The following ROBO2 variants were observed in gnomAD, a reference collection of about 807,000 sequenced individuals.
ROBO2 encodes the protein roundabout homolog 2.
In ROBO2, 53 loss-of-function variants were observed where a neutral mutation model predicts 160.8. That is an observed-to-expected ratio of 0.33 (90% CI 0.26 to 0.41). ROBO2 has a LOEUF of 0.41. Among genes scored for constraint, ROBO2 ranks in the 10% least tolerant of loss-of-function variants. ROBO2 has a pLI of 1.00. For synonymous variants in ROBO2, 664 were observed against 611.7 expected, an observed-to-expected ratio of 1.09 and a Z score of -1.26; for missense variants, 1,577 against 1,722.4, an observed-to-expected ratio of 0.92 and a Z score of 1.49.
chr3:77,598,446 TA>T, intron 19 of ROBO2, among the ~76,000 whole-genome samples: 1 of 146,296 alleles, frequency 6.8e-6, no homozygotes, highest in Admixed American at 6.9e-5. Flanking sequence ...TATATATATA[TA>T]TTTATTTATA....
At chr3:76,138,647 A>G (rs1237538781) in intron 2 of ROBO2, among the ~76,000 whole-genome samples, 1 of 152,034 alleles carries the variant, frequency 6.6e-6, no homozygotes. Flanking sequence ...GGACAATGAG[A>G]CATTTTATGA....
chr3:76,661,945 G>A (rs973386845), intron 2 of ROBO2, among the ~76,000 whole-genome samples: 1 of 152,192 alleles, frequency 6.6e-6, no homozygotes, highest in Non-Finnish European at 1.5e-5. Flanking sequence ...TTCAGGGCCT[G>A]TTATCTGTCA....
chr3:76,778,718 A>G (rs1453975815), intron 2 of ROBO2, among the ~76,000 whole-genome samples: 2 of 151,134 alleles, frequency 1.3e-5, no homozygotes, highest in African/African-American at 4.8e-5. Context: ...TCTGATATGC[A>G]GATTTCAGTT....
chr3:77,369,084 A>G (rs542330135), intron 2 of ROBO2, among the ~76,000 whole-genome samples: 22 of 152,170 alleles, frequency 1.4e-4, no homozygotes, highest in Admixed American at 3.9e-4. Context: ...CTGTTCATTC[A>G]AGAAAAGCCA....
At chr3:76,002,074 T>A (rs556351947) in intron 2 of ROBO2, among the ~76,000 whole-genome samples, 1 of 152,264 alleles carries the variant, frequency 6.6e-6, no homozygotes, top group Non-Finnish European at 1.5e-5. Context: ...AACAGTGTTA[T>A]GGGTTGAATT....
At chr3:77,385,881 A>G (rs2074050106) in intron 2 of ROBO2, among the ~76,000 whole-genome samples, 1 of 152,312 alleles carries the variant, frequency 6.6e-6, no homozygotes, top group South Asian at 2.1e-4. Flanking sequence ...CTAACACTCG[A>G]TCCAGGAATG....
intron 2 of ROBO2, among the ~76,000 whole-genome samples, chr3:77,001,701 C>T (rs1019746652): frequency 1.3e-5 from 2 of 152,156 alleles, no homozygotes; most frequent in Non-Finnish European, 1.5e-5. Context: ...AGCTCTTCCT[C>T]ATAATATCAA....
At chr3:76,824,291 C>T (rs2066383838) in intron 2 of ROBO2, among the ~76,000 whole-genome samples, 1 of 152,154 alleles carries the variant, frequency 6.6e-6, no homozygotes, top group Non-Finnish European at 1.5e-5. Context: ...CAGGCACGGG[C>T]CTGGCTACAG....
intron 2 of ROBO2, among the ~76,000 whole-genome samples, chr3:76,509,036 T>C (rs2080945415): frequency 2.6e-5 from 4 of 152,216 alleles, no homozygotes; most frequent in African/African-American, 9.6e-5. Flanking sequence ...GTTATATACA[T>C]GCCCATATAG....
intron 2 of ROBO2, among the ~76,000 whole-genome samples, chr3:76,622,242 GAAA>G (rs2089205982): frequency 3.3e-5 from 3 of 92,166 alleles, no homozygotes; most frequent in African/African-American, 4.6e-5. Context: ...AAGGAAGAAA[GAAA>G]GAAAGAAAGA....
intron 2 of ROBO2, among the ~76,000 whole-genome samples, chr3:76,970,524 C>T (rs959361691): frequency 6.6e-6 from 1 of 152,216 alleles, no homozygotes; most frequent in South Asian, 2.1e-4. Flanking sequence ...AGGTGACAAG[C>T]ATTTGCCGGC....
chr3:76,457,482 C>T (rs753528438), intron 2 of ROBO2, among the ~76,000 whole-genome samples: 2 of 152,142 alleles, frequency 1.3e-5, no homozygotes, highest in Non-Finnish European at 2.9e-5. Flanking sequence ...GTGCAGCCTC[C>T]CTCCCTGCTG....
rs570698735 is a variant in ROBO2 at position 77,598,150 on chromosome 3, T to G, written c.2854+1400T>G. Among the ~76,000 whole-genome samples, 59 of 152,200 alleles carry G rather than the reference T, an allele frequency of 3.9e-4. 2 individuals are homozygous for G. In the South Asian group the frequency reaches 0.012, roughly 30 times the overall value. ...CAGGGCTCTGTTAAATTTTTCTGAG[T>G]CCACTATAAGCCTTGATGGGTTAAT... On this transcript the variant is annotated intron_variant, in intron 19 of 25. Transcript: ENST00000461745.
At chr3:76,667,634 TA>T (rs1292755964) in intron 2 of ROBO2, among the ~76,000 whole-genome samples, 6 of 145,604 alleles carry the variant, frequency 4.1e-5, no homozygotes, top group Non-Finnish European at 7.6e-5. Context: ...TATTTTAGAG[TA>T]ATCAGGCGTA....
chr3:76,619,404 T>C (rs1025229173), intron 2 of ROBO2, among the ~76,000 whole-genome samples: 8 of 152,194 alleles, frequency 5.3e-5, no homozygotes, highest in Non-Finnish European at 1.2e-4. Context: ...CCTAATGAAT[T>C]GCCATGGAGC....
intron 7 of ROBO2, among the ~76,000 whole-genome samples, chr3:77,548,796 A>AAG (rs150882628): frequency 5.3e-5 from 8 of 150,218 alleles, no homozygotes; most frequent in African/African-American, 9.7e-5. Flanking sequence ...GTGGGAGAGA[A>AAG]AGAGAGAGAG....
chr3:75,969,377 G>A (rs1329722676), intron 2 of ROBO2, among the ~76,000 whole-genome samples: 8 of 151,208 alleles, frequency 5.3e-5, no homozygotes, highest in Non-Finnish European at 1.0e-4. Context: ...CAATAAACAC[G>A]GGAATACAGA....
At chr3:77,024,788 A>G (rs2062857183) in intron 2 of ROBO2, among the ~76,000 whole-genome samples, 1 of 152,196 alleles carries the variant, frequency 6.6e-6, no homozygotes, top group Non-Finnish European at 1.5e-5. Flanking sequence ...GCATTTTCGA[A>G]TGTTAACTAT....
At chr3:77,481,755 C>A (rs1034108404) in intron 4 of ROBO2, among the ~76,000 whole-genome samples, 1 of 152,082 alleles carries the variant, frequency 6.6e-6, no homozygotes, top group Admixed American at 6.6e-5. Context: ...TATTCATGTT[C>A]CTTCAACTTT....
Sources: allele counts gnomAD v4.1 joint callset (sites outside exome capture counted in the v4.1 genomes callset), GRCh38; gene constraint gnomAD v4.1.1; transcripts MANE v1.5; gene names NCBI Gene and HGNC (gene_info 2026-07-23, HGNC 2026-07-21).